Variants in SCML4 observed in about 807,000 individuals in gnomAD.
SCML4 encodes Scm polycomb group protein like 4.
In SCML4, 34 loss-of-function variants were observed where a neutral mutation model predicts 41.1. The observed-to-expected ratio is 0.83, with a 90% CI of 0.63 to 1.10. The LOEUF (loss-of-function observed/expected upper bound fraction) is 1.10. Among genes scored for constraint, SCML4 ranks in the 50% least tolerant of loss-of-function variants. The pLI is 0.00. For missense variants in SCML4, 522 were observed against 534.1 expected (o/e 0.98, Z 0.22); for synonymous variants, 214 against 220.9 (o/e 0.97, Z 0.28).
chr6:107,760,889 A>T (rs202161960), intron 2 of SCML4, among the ~76,000 whole-genome samples: 2 of 67,220 alleles, frequency 3.0e-5, no homozygotes, highest in Non-Finnish European at 4.2e-5. Flanking sequence ...AAAATGATTT[A>T]AAAAACACAG....
intron 1 of SCML4, among the ~76,000 whole-genome samples, chr6:107,796,196 G>T (rs1431041580): frequency 6.6e-6 from 1 of 152,120 alleles, no homozygotes; most frequent in Non-Finnish European, 1.5e-5. Flanking sequence ...TTACCTGGGA[G>T]TGGAATTGTT....
chr6:107,776,353 T>C (rs1780946867), intron 1 of SCML4, among the ~76,000 whole-genome samples: 1 of 152,114 alleles, frequency 6.6e-6, no homozygotes, highest in African/African-American at 2.4e-5. Flanking sequence ...AAACCGCAAT[T>C]ACTTTTGCAC....
At chr6:107,715,524 G>T (rs1486085522) in intron 6 of SCML4, among the ~76,000 whole-genome samples, 1 of 151,908 alleles carries the variant, frequency 6.6e-6, no homozygotes, top group Non-Finnish European at 1.5e-5. Context: ...AGTGTGTCTT[G>T]TTAAATGCCC....
At chr6:107,718,893 T>C (rs193141784) in intron 6 of SCML4, 3 of 152,280 alleles carry the variant, frequency 2.0e-5, no homozygotes, top group African/African-American at 7.2e-5. Flanking sequence ...GAGAAAGACA[T>C]TTAAACTCAA....
chr6:107,757,157 A>G (rs1182221032), intron 2 of SCML4, among the ~76,000 whole-genome samples: 1 of 152,142 alleles, frequency 6.6e-6, no homozygotes, highest in East Asian at 1.9e-4. Flanking sequence ...TTTTCCATTT[A>G]TAGAACCAAA....
At position 107,703,628 on chromosome 6, in the gene SCML4, G is replaced by A. The variant is rs1186245583; in HGVS notation, c.*1572C>T. ...TTATACAGGTCATGCTCTGTACAAC[G>A]GCAGCTGATCAAGCGGTGAGGAGGT... On this transcript the variant is annotated 3_prime_UTR_variant, in exon 8 of 8. Transcript: ENST00000369020. Among the ~76,000 whole-genome samples the A allele has an allele frequency of 2.0e-5, 3 of 152,112 alleles. No individual in the cohort carries two copies. The highest frequency in any genetic ancestry group is 2.9e-5 in the Non-Finnish European group (2 of 68,022).
At chr6:107,717,638 C>T (rs1359868960) in intron 6 of SCML4, among the ~76,000 whole-genome samples, 1 of 152,218 alleles carries the variant, frequency 6.6e-6, no homozygotes, top group Non-Finnish European at 1.5e-5. Context: ...ACCTCCACCT[C>T]CCGGGTTCAA....
chr6:107,810,818 C>CT (rs1784105697), intron 1 of SCML4, among the ~76,000 whole-genome samples: 2 of 152,012 alleles, frequency 1.3e-5, no homozygotes, highest in South Asian at 4.1e-4. Context: ...GCTATTTTAT[C>CT]TTTTTATAGA....
chr6:107,784,174 G>A lies in SCML4; in HGVS notation c.-59-11788C>T, dbSNP rs561630389. 5.3e-5 allele frequency among the ~76,000 whole-genome samples: 8 copies of A among 152,240 alleles called. No homozygotes were observed. The East Asian group carries it at 5.8e-4, about 11-fold the overall frequency. On this transcript the variant is annotated intron_variant, in intron 1 of 7. Transcript: ENST00000369020. The stretch of plus-strand genomic sequence containing the variant: ...CTGCCCTTGAGACCAGTTCGTGACC[G>A]GGCAGAATGGGAAAACTTGTAAGAA...
the SCML4 span, among the ~76,000 whole-genome samples, chr6:107,835,352 C>A: frequency 1.3e-5 from 2 of 151,284 alleles, no homozygotes; most frequent in African/African-American, 4.9e-5. Context: ...CAGAGCGAGA[C>A]CCTGTCTCAA....
intron 1 of SCML4, among the ~76,000 whole-genome samples, chr6:107,823,084 A>AT (rs1331490920): frequency 6.6e-6 from 1 of 152,166 alleles, no homozygotes; most frequent in Non-Finnish European, 1.5e-5. Flanking sequence ...TCTGGTTGAA[A>AT]AGAAAGAAAA....
At chr6:107,711,218 C>A (rs1774175904) in intron 6 of SCML4, among the ~76,000 whole-genome samples, 1 of 152,128 alleles carries the variant, frequency 6.6e-6, no homozygotes, top group South Asian at 2.1e-4. Flanking sequence ...GATTGAGCAC[C>A]TTTTCTGTAC....
chr6:107,792,175 G>A (rs912072113), intron 1 of SCML4, among the ~76,000 whole-genome samples: 7 of 152,124 alleles, frequency 4.6e-5, no homozygotes, highest in Non-Finnish European at 7.4e-5. Context: ...GGGTAGAATC[G>A]TAACTAATGA....
the SCML4 span, among the ~76,000 whole-genome samples, chr6:107,840,525 A>AC: frequency 6.6e-6 from 1 of 152,212 alleles, no homozygotes; most frequent in Admixed American, 6.5e-5. Flanking sequence ...AGTGCCAGGC[A>AC]CTGTTCTAGG....
At chr6:107,769,913 A>T (rs1780380079) in intron 2 of SCML4, among the ~76,000 whole-genome samples, 1 of 152,182 alleles carries the variant, frequency 6.6e-6, no homozygotes, top group Admixed American at 6.5e-5. Flanking sequence ...GCCTGGAAGC[A>T]TTTTCTTAGC....
chr6:107,720,028 T>A, intron 6 of SCML4: 1 of 985,492 alleles, frequency 1.0e-6, no homozygotes, highest in Non-Finnish European at 1.2e-6. Context: ...GAGACAGAAG[T>A]GGCATTACAA....
intron 5 of SCML4, among the ~76,000 whole-genome samples, chr6:107,723,741 A>T (rs1294646257): frequency 6.6e-6 from 1 of 152,194 alleles, no homozygotes; most frequent in South Asian, 2.1e-4. Flanking sequence ...AATAATACTA[A>T]TTCTTTACAA....
At chr6:107,727,773 G>A (rs1486816420) in intron 5 of SCML4, among the ~76,000 whole-genome samples, 2 of 152,350 alleles carry the variant, frequency 1.3e-5, no homozygotes, top group East Asian at 3.9e-4. Flanking sequence ...GAAAACTCAC[G>A]TGTATTGAAC....
chr6:107,733,665 T>C (rs527316275), intron 5 of SCML4, among the ~76,000 whole-genome samples: 1 of 152,332 alleles, frequency 6.6e-6, no homozygotes, highest in African/African-American at 2.4e-5. Flanking sequence ...AAGGGGTCTC[T>C]AATACAACCT....
Sources: allele counts gnomAD v4.1 joint callset (sites outside exome capture counted in the v4.1 genomes callset), GRCh38; gene constraint gnomAD v4.1.1; transcripts MANE v1.5; gene names NCBI Gene and HGNC (gene_info 2026-07-23, HGNC 2026-07-21).